The following ASIC5 variants were observed in gnomAD, a reference collection of about 807,000 sequenced individuals.
The protein encoded by ASIC5 is bile acid-sensitive ion channel.
Under a neutral mutation model 51.2 loss-of-function variants are expected in ASIC5, and 52 were observed. The observed-to-expected ratio is 1.02, with a 90% CI of 0.81 to 1.28. ASIC5 has a LOEUF of 1.28. Among genes scored for constraint, ASIC5 ranks in the 50% most tolerant of loss-of-function variants. ASIC5 has a pLI of 0.00. For synonymous variants in ASIC5, 231 were observed against 200.7 expected, an observed-to-expected ratio of 1.15 and a Z score of -1.28; for missense variants, 635 against 595.0, an observed-to-expected ratio of 1.07 and a Z score of -0.70.
At chr4:155,855,216 A>C (rs1741501878) in intron 2 of ASIC5, 2 of 151,954 alleles carry the variant, frequency 1.3e-5, no homozygotes, top group African/African-American at 4.8e-5. Flanking sequence ...CCTCTGACTT[A>C]AGTTTCCTCT....
At chr4:155,853,344 T>A (rs1741429448) in intron 3 of ASIC5, among the ~76,000 whole-genome samples, 1 of 151,898 alleles carries the variant, frequency 6.6e-6, no homozygotes, top group Non-Finnish European at 1.5e-5. Flanking sequence ...AACAAAGAAT[T>A]TGTGTTTACT....
intron 8 of ASIC5, among the ~76,000 whole-genome samples, chr4:155,833,380 C>T (rs929881817): frequency 1.3e-5 from 2 of 152,112 alleles, no homozygotes; most frequent in Admixed American, 1.3e-4. Context: ...ACCTAAAGAA[C>T]ATGGCTGTAA....
chr4:155,848,314 A>C (rs1379096453), intron 4 of ASIC5, among the ~76,000 whole-genome samples: 1 of 152,058 alleles, frequency 6.6e-6, no homozygotes, highest in Non-Finnish European at 1.5e-5. Flanking sequence ...TTTCTGACCT[A>C]ATTAATCCTT....
At chr4:155,859,866 A>C (rs1306854091) in intron 2 of ASIC5, among the ~76,000 whole-genome samples, 4 of 152,040 alleles carry the variant, frequency 2.6e-5, no homozygotes, top group Non-Finnish European at 4.4e-5. Flanking sequence ...CTCCTAACAT[A>C]GGAATACAAA....
At chr4:155,835,048 G>A (rs1345008926) in intron 8 of ASIC5, among the ~76,000 whole-genome samples, 1 of 152,054 alleles carries the variant, frequency 6.6e-6, no homozygotes, top group African/African-American at 2.4e-5. Context: ...CCCATCCTTC[G>A]AGCCCGTGTG....
Position 155,866,198 on chromosome 4 carries a change from T to C in ASIC5, c.29A>G (p.Tyr10Cys), listed in dbSNP as rs771181277. The change falls in exon 1 of 10, where the codon TAT (tyrosine) becomes TGT (cysteine). Residue 10 changes from tyrosine to cysteine, a missense_variant. Tyr to Cys is a radical substitution (Grantham distance 194, BLOSUM62 -2). Transcript: ENST00000537611. MEQTEKSKV[Y>C]AENGLLEKIK... The stretch of plus-strand genomic sequence containing the variant: ...CACTCTTTACTCACCGTTCTCAGCA[T>C]ATACTTTTGATTTTTCTGTCTGCTC... 4 of 1,607,840 alleles carry C rather than the reference T, an allele frequency of 2.5e-6. No homozygotes were observed. Among genetic ancestry groups the C allele is most frequent in the Admixed American group, 3.3e-5 (2 of 59,854 alleles).
intron 4 of ASIC5, among the ~76,000 whole-genome samples, chr4:155,847,957 T>C (rs1380541549): frequency 6.6e-6 from 1 of 152,098 alleles, no homozygotes; most frequent in Non-Finnish European, 1.5e-5. Flanking sequence ...TAACAAGGTT[T>C]TCTTGAAGCA....
At chr4:155,860,012 G>A (rs1275257291) in intron 2 of ASIC5, among the ~76,000 whole-genome samples, 5 of 152,006 alleles carry the variant, frequency 3.3e-5, no homozygotes, top group Non-Finnish European at 5.9e-5. Context: ...CCTTGCTTAA[G>A]ACTGAATTGA....
At chr4:155,855,442 T>C (rs1273087713) in intron 2 of ASIC5, 1 of 152,054 alleles carries the variant, frequency 6.6e-6, no homozygotes, top group Non-Finnish European at 1.5e-5. Flanking sequence ...GCAATTTTGT[T>C]CTGCATTCCA....
In ASIC5 at chr4:155,838,849, G is replaced by A; in HGVS notation, c.1030C>T (p.Leu344=). ...GAAACACAGCTGAAGTACTTTTGTA[G>A]GTCACATTCTATCCCATATCCTTAA... ...LLPGYGIECD[L]QKYFSCVSPV... is the part of the protein sequence containing the mutation. The change falls in exon 7 of 10, where the codon CTA becomes TTA. Residue 344 remains leucine (L), a synonymous_variant. Transcript: ENST00000537611. 6.3e-7 allele frequency: 1 copy of A among 1,581,418 alleles called. No homozygotes were observed. The highest frequency in any genetic ancestry group is 8.7e-7 in the Non-Finnish European group (1 of 1,152,624).
chr4:155,855,455 T>C (rs1235286777), intron 2 of ASIC5: 1 of 152,014 alleles, frequency 6.6e-6, no homozygotes, highest in African/African-American at 2.4e-5. Context: ...GCATTCCATA[T>C]GGTTCTTCAT....
intron 9 of ASIC5, among the ~76,000 whole-genome samples, chr4:155,831,568 G>A (rs1740870486): frequency 6.6e-6 from 1 of 152,106 alleles, no homozygotes; most frequent in Non-Finnish European, 1.5e-5. Flanking sequence ...TCAGGAGATC[G>A]AGACCATCCT....
intron 9 of ASIC5, among the ~76,000 whole-genome samples, chr4:155,830,963 A>G (rs987862179): frequency 1.3e-5 from 2 of 152,168 alleles, no homozygotes; most frequent in African/African-American, 2.4e-5. Flanking sequence ...TTTCCTCCAT[A>G]TTCAGGGTCT....
chr4:155,860,960 T>C (rs1346336091), intron 2 of ASIC5, among the ~76,000 whole-genome samples: 1 of 151,964 alleles, frequency 6.6e-6, no homozygotes, highest in African/African-American at 2.4e-5. Flanking sequence ...GTCTTCATTT[T>C]CATTCATCTC....
intron 4 of ASIC5, among the ~76,000 whole-genome samples, chr4:155,847,935 C>T (rs1346684172): frequency 1.3e-5 from 2 of 151,992 alleles, no homozygotes; most frequent in Non-Finnish European, 2.9e-5. Flanking sequence ...CATATGGACT[C>T]CTGTGTCAGA....
In ASIC5 at chr4:155,843,771, G is replaced by T. The variant is rs145138118; in HGVS notation, c.771C>A (p.Ile257=). 4.3e-6 allele frequency: 7 copies of T among 1,613,572 alleles called. No individual in the cohort carries two copies. The highest frequency in any genetic ancestry group is 1.7e-4 in the Middle Eastern group (1 of 6,056). Reference sequence around the variant, plus strand: ...ACTGTGGCACCTTCTTTGGTGAATGGATAACAAAGATGATCCCAGCATCAA... The same window carrying T: ...ACTGTGGCACCTTCTTTGGTGAATGTATAACAAAGATGATCCCAGCATCAA... ...GFVDAGIIFV[I]HSPKKVPQFD... The change falls in exon 5 of 10, where the codon ATC becomes ATA. Residue 257 remains isoleucine (I), a synonymous_variant. Transcript: ENST00000537611.
At chr4:155,859,742 A>G (rs1162364657) in intron 2 of ASIC5, among the ~76,000 whole-genome samples, 1 of 152,004 alleles carries the variant, frequency 6.6e-6, no homozygotes, top group East Asian at 1.9e-4. Context: ...AAGGAAATAA[A>G]TGTTTCCATC....
intron 1 of ASIC5, 104 bp downstream of exon 1, chr4:155,866,083 G>A: frequency 1.5e-6 from 1 of 671,006 alleles, no homozygotes. Context: ...AAGTAACATT[G>A]GAAATCAAAT....
rs1741652449 is a variant in ASIC5 at position 155,859,915 on chromosome 4, A to G, written c.347+3533T>C. Among the ~76,000 whole-genome samples, 3 of 152,052 alleles carry G rather than the reference A, an allele frequency of 2.0e-5. No homozygotes were observed. In the East Asian group the frequency reaches 5.8e-4, roughly 29 times the overall value. On this transcript the variant is annotated intron_variant, in intron 2 of 9. Transcript: ENST00000537611. ...CAGGGGAAGACTCCTTTAAAAATTA[A>G]TCAAAGCTCCTAAAATCTTGTCTTG...
Sources: allele counts gnomAD v4.1 joint callset (sites outside exome capture counted in the v4.1 genomes callset), GRCh38; gene constraint gnomAD v4.1.1; transcripts MANE v1.5; gene names NCBI Gene and HGNC (gene_info 2026-07-23, HGNC 2026-07-21).